RABGEF1: variants seen among roughly 807,000 people sequenced by gnomAD.
The protein encoded by RABGEF1 is rab5 GDP/GTP exchange factor.
RABGEF1 carries 26 observed loss-of-function variants against 57.3 expected under a neutral mutation model. The ratio of observed to expected loss-of-function variants is 0.45; its 90% CI spans 0.33 to 0.63. The LOEUF (loss-of-function observed/expected upper bound fraction) is 0.63. Among genes scored for constraint, RABGEF1 ranks in the 20% least tolerant of loss-of-function variants. RABGEF1 has a pLI of 0.02. For synonymous variants in RABGEF1, 185 were observed against 210.7 expected (o/e 0.88, Z 1.06); for missense variants, 464 against 607.6 (o/e 0.76, Z 2.48).
At chr7:66,658,797 G>A in the RABGEF1 span, among the ~76,000 whole-genome samples, 2 of 152,132 alleles carry the variant, frequency 1.3e-5, no homozygotes, top group South Asian at 4.1e-4. Context: ...GTGCAGTGGC[G>A]CGATCTTGGC....
chr7:66,712,247 G>A (rs930550028), intron 2 of RABGEF1: 1 of 152,008 alleles, frequency 6.6e-6, no homozygotes, highest in Non-Finnish European at 1.5e-5. Context: ...ATTTATTTAG[G>A]TCTTTCTAGA....
At position 66,762,609 on chromosome 7, in the gene RABGEF1, G is replaced by GA. The variant is rs557545163; in HGVS notation, c.-17-9266dup. 8.6e-5 allele frequency among the ~76,000 whole-genome samples: 13 copies of GA among 151,454 alleles called. No individual in the cohort carries two copies. In the East Asian group the frequency reaches 1.4e-3, roughly 16 times the overall value. On this transcript the variant is annotated intron_variant, in intron 1 of 8. Transcript: ENST00000284957. The stretch of plus-strand genomic sequence containing the variant: ...GTCTCAAGAAAAGAAAAGAAAAAAA[G>GA]AAAAAAAAGAAATAGGACATGAAGG...
At chr7:66,660,138 G>A in the RABGEF1 span, among the ~76,000 whole-genome samples, 1 of 151,982 alleles carries the variant, frequency 6.6e-6, no homozygotes, top group African/African-American at 2.4e-5. Context: ...ACGAGGTCAG[G>A]AGATCGAGAC....
chr7:66,675,012 T>A, the RABGEF1 span, among the ~76,000 whole-genome samples: 1 of 152,062 alleles, frequency 6.6e-6, no homozygotes. Context: ...TACATATACC[T>A]AATATTATAC....
intron 1 of RABGEF1, among the ~76,000 whole-genome samples, chr7:66,752,105 T>G (rs1801564422): frequency 6.6e-6 from 1 of 151,658 alleles, no homozygotes. Context: ...AGGCTGAGGC[T>G]CAAGATTGCT....
intron 1 of RABGEF1, among the ~76,000 whole-genome samples, chr7:66,745,841 T>C (rs1800098496): frequency 6.7e-6 from 1 of 150,088 alleles, no homozygotes. Context: ...ATGCCTATAA[T>C]ACCAGTGCTT....
intron 5 of RABGEF1, among the ~76,000 whole-genome samples, chr7:66,796,152 GAA>G (rs748569918): frequency 9.9e-5 from 15 of 152,096 alleles, no homozygotes; most frequent in African/African-American, 3.1e-4. Flanking sequence ...AAGAGAGAGA[GAA>G]AGAGAAAAAC....
chr7:66,804,600 TG>T (rs1039295611), intron 7 of RABGEF1, among the ~76,000 whole-genome samples: 10 of 152,088 alleles, frequency 6.6e-5, no homozygotes, highest in African/African-American at 2.4e-4. Flanking sequence ...CTGGGTGTGG[TG>T]GCGGGCATCT....
chr7:66,679,822 G>C (rs1441667244), upstream of RABGEF1, among the ~76,000 whole-genome samples: 1 of 152,136 alleles, frequency 6.6e-6, no homozygotes, highest in Non-Finnish European at 1.5e-5. Flanking sequence ...TTGAGTCCAG[G>C]ACTTCGAGAC....
chr7:66,731,385 G>A (rs955251488), intron 2 of RABGEF1, among the ~76,000 whole-genome samples: 2 of 152,106 alleles, frequency 1.3e-5, no homozygotes, highest in Non-Finnish European at 2.9e-5. Flanking sequence ...ACCGTGTGGG[G>A]TTGAGGCTCT....
chr7:66,764,662 T>C (rs1035620972), intron 1 of RABGEF1, among the ~76,000 whole-genome samples: 4 of 152,238 alleles, frequency 2.6e-5, no homozygotes, highest in African/African-American at 9.6e-5. Context: ...ACATCTAACA[T>C]CGTTCTTTTG....
intron 7 of RABGEF1, among the ~76,000 whole-genome samples, chr7:66,800,481 G>A (rs1787035060): frequency 6.6e-6 from 1 of 152,130 alleles, no homozygotes; most frequent in Non-Finnish European, 1.5e-5. Flanking sequence ...TCTTGTGCAA[G>A]TTCTGAAGGT....
At chr7:66,728,672 C>T (rs1394730978) in intron 2 of RABGEF1, among the ~76,000 whole-genome samples, 1 of 119,592 alleles carries the variant, frequency 8.4e-6, no homozygotes, top group East Asian at 2.3e-4. Flanking sequence ...CTCACCTCCA[C>T]CTTCACCTCC....
chr7:66,768,908 TG>T (rs2129103575), intron 1 of RABGEF1: 1 of 152,200 alleles, frequency 6.6e-6, no homozygotes, highest in East Asian at 1.9e-4. Context: ...GGATAGAGAT[TG>T]GGAAAAATTG....
At chr7:66,659,968 A>G in the RABGEF1 span, among the ~76,000 whole-genome samples, 1 of 152,014 alleles carries the variant, frequency 6.6e-6, no homozygotes, top group African/African-American at 2.4e-5. Flanking sequence ...AAGTTTTTTT[A>G]CAGGTCAGCA....
At chr7:66,761,040 A>G (rs1195889386) in intron 1 of RABGEF1, among the ~76,000 whole-genome samples, 3 of 152,126 alleles carry the variant, frequency 2.0e-5, no homozygotes, top group Admixed American at 6.5e-5. Flanking sequence ...TTCTTCTTTC[A>G]ACAAAGAATT....
At chr7:66,790,233 A>C (rs144968633) in intron 4 of RABGEF1, among the ~76,000 whole-genome samples, 12 of 152,360 alleles carry the variant, frequency 7.9e-5, no homozygotes, top group African/African-American at 1.4e-4. Flanking sequence ...ACCTCTGTGA[A>C]ACTCTCAACA....
the RABGEF1 span, among the ~76,000 whole-genome samples, chr7:66,657,079 T>C: frequency 1.3e-5 from 2 of 152,186 alleles, no homozygotes; most frequent in Non-Finnish European, 1.5e-5. Flanking sequence ...ACTACCTCAA[T>C]GTTAATAATA....
intron 1 of RABGEF1, among the ~76,000 whole-genome samples, chr7:66,698,516 C>G (rs77799011): frequency 2.0e-5 from 3 of 152,154 alleles, no homozygotes; most frequent in African/African-American, 7.2e-5. Context: ...AGCAGGAGCC[C>G]GGGTCTGGAC....
Sources: gnomAD v4.1 joint callset for allele counts (sites outside exome capture counted in the v4.1 genomes callset) on GRCh38, gnomAD v4.1.1 for gene constraint, MANE v1.5 for transcripts, NCBI Gene and HGNC (gene_info 2026-07-23, HGNC 2026-07-21) for gene names.